RNF150: variants seen among roughly 807,000 people sequenced by gnomAD.
The protein encoded by RNF150 is ring finger protein 150.
A neutral mutation model predicts 39.3 loss-of-function variants in RNF150; 24 were observed. That is an observed-to-expected ratio of 0.61 (90% CI 0.44 to 0.86). The LOEUF (loss-of-function observed/expected upper bound fraction) is 0.86. Among genes scored for constraint, RNF150 ranks in the 40% least tolerant of loss-of-function variants. The pLI is 0.00. For synonymous variants in RNF150, 255 were observed against 227.3 expected (o/e 1.12, Z -1.10); for missense variants, 502 against 587.8 (o/e 0.85, Z 1.51).
chr4:140,909,212 G>C (rs1037354933), intron 6 of RNF150, among the ~76,000 whole-genome samples: 2 of 152,036 alleles, frequency 1.3e-5, no homozygotes, highest in Non-Finnish European at 2.9e-5. Context: ...GTATATTTTG[G>C]TAAAAATCAA....
In RNF150 at chr4:140,873,061, C is replaced by T. The variant is rs142619909; in HGVS notation, c.1199-4682G>A. On this transcript the variant is annotated intron_variant, in intron 6 of 6. Transcript: ENST00000515673. ...AAACACCTAGAGCAAAAGACCCAAA[C>T]TGGTGACCCTTGATGCTGTTTTGTT... Among the ~76,000 whole-genome samples the T allele has an allele frequency of 3.4e-3, 514 of 152,342 alleles. 8 individuals carry two copies. Among genetic ancestry groups the T allele is most frequent in the African/African-American group, 0.012 (481 of 41,586 alleles).
chr4:140,886,295 C>T (rs542203977), intron 6 of RNF150, among the ~76,000 whole-genome samples: 14 of 151,694 alleles, frequency 9.2e-5, no homozygotes, highest in African/African-American at 2.7e-4. Flanking sequence ...CACATTTTTC[C>T]AGAATAGAGG....
At chr4:140,991,231 A>C (rs1734187813) in intron 1 of RNF150, among the ~76,000 whole-genome samples, 1 of 152,066 alleles carries the variant, frequency 6.6e-6, no homozygotes, top group Admixed American at 6.6e-5. Flanking sequence ...AGTTCCTTGT[A>C]GATTCTGGAT....
intron 1 of RNF150, among the ~76,000 whole-genome samples, chr4:141,053,931 G>C (rs370299647): frequency 1.3e-5 from 2 of 152,092 alleles, no homozygotes; most frequent in African/African-American, 4.8e-5. Flanking sequence ...AGAGAATTGA[G>C]ATGTCCTATA....
At chr4:141,105,441 C>A (rs1370450689) in intron 1 of RNF150, among the ~76,000 whole-genome samples, 1 of 152,140 alleles carries the variant, frequency 6.6e-6, no homozygotes, top group Non-Finnish European at 1.5e-5. Context: ...TCTCTCATTC[C>A]TAGGTTTCCA....
At chr4:140,915,781 A>C (rs868521277) in intron 5 of RNF150, among the ~76,000 whole-genome samples, 4 of 152,058 alleles carry the variant, frequency 2.6e-5, no homozygotes, top group Middle Eastern at 3.2e-3. Context: ...AGTAGCCTAA[A>C]TGGGAGGCAC....
At chr4:141,072,454 T>C (rs1737743069) in intron 1 of RNF150, among the ~76,000 whole-genome samples, 1 of 152,164 alleles carries the variant, frequency 6.6e-6, no homozygotes, top group African/African-American at 2.4e-5. Context: ...CATGTGTGTT[T>C]TCAGTGGGAC....
intron 5 of RNF150, among the ~76,000 whole-genome samples, chr4:140,917,648 A>G (rs1011212681): frequency 1.3e-5 from 2 of 152,230 alleles, no homozygotes; most frequent in African/African-American, 4.8e-5. Context: ...GAAAGTTAAC[A>G]AGGATACCCA....
chr4:140,878,613 TGTAATTTGA>T (rs1196596783), intron 6 of RNF150, among the ~76,000 whole-genome samples: 1 of 152,226 alleles, frequency 6.6e-6, no homozygotes, highest in Non-Finnish European at 1.5e-5. Flanking sequence ...TTATTTATTC[TGTAATTTGA>T]GTTGTAGGAG....
At chr4:141,077,189 C>T (rs537805445) in intron 1 of RNF150, among the ~76,000 whole-genome samples, 1 of 152,322 alleles carries the variant, frequency 6.6e-6, no homozygotes, top group East Asian at 1.9e-4. Flanking sequence ...CATGTTCACA[C>T]AAGACCCTCT....
chr4:141,142,786 C>T (rs1397668407), intron 1 of RNF150, among the ~76,000 whole-genome samples: 1 of 152,190 alleles, frequency 6.6e-6, no homozygotes, highest in African/African-American at 2.4e-5. Flanking sequence ...TTCCTTCAGG[C>T]TCTGACCTAA....
chr4:140,935,078 TAATATATATA>T (rs1731809771), intron 4 of RNF150, among the ~76,000 whole-genome samples: 1 of 98,224 alleles, frequency 1.0e-5, no homozygotes, highest in Non-Finnish European at 1.9e-5. Context: ...AATATATATA[TAATATATATA>T]ATAAATATAT....
rs1376280927 is a variant in RNF150 at position 141,069,625 on chromosome 4, A to G, written c.484+62700T>C. Among the ~76,000 whole-genome samples, 1,301 of 151,046 alleles carry G rather than the reference A, an allele frequency of 8.6e-3. 21 individuals are homozygous for G. The highest frequency in any genetic ancestry group is 0.031 in the African/African-American group (1,251 of 40,964). ...TTTTTCTATTGATTGGAATAGTTTC[A>G]GAAGGAATGGTACCAGTTCCTCCTT... On this transcript the variant is annotated intron_variant, in intron 1 of 6. Coordinates refer to ENST00000515673, the MANE Select transcript of RNF150 (RefSeq NM_020724.2).
intron 1 of RNF150, among the ~76,000 whole-genome samples, chr4:141,161,859 G>C (rs1295424204): frequency 6.6e-6 from 1 of 152,228 alleles, no homozygotes; most frequent in Non-Finnish European, 1.5e-5. Flanking sequence ...GCTGAGGCTT[G>C]GGAGCCTCTG....
intron 1 of RNF150, among the ~76,000 whole-genome samples, chr4:141,165,309 A>G (rs1363229539): frequency 6.6e-6 from 1 of 152,166 alleles, no homozygotes; most frequent in Non-Finnish European, 1.5e-5. Flanking sequence ...AAATTCTTAG[A>G]GACCTACAAA....
intron 1 of RNF150, among the ~76,000 whole-genome samples, chr4:141,112,188 A>C (rs112580306): frequency 3.3e-5 from 5 of 152,194 alleles, no homozygotes; most frequent in Admixed American, 6.5e-5. Context: ...CCAATTTGCC[A>C]GTCTGTGTCT....
At position 141,147,332 on chromosome 4, in the gene RNF150, A is replaced by C. The variant is rs138273881; in HGVS notation, c.-6+65462T>G. On this transcript the variant is annotated intron_variant, in intron 1 of 7. Transcript: ENST00000420921. ...ATGGCCATTCAATGGACCTTCCATA[A>C]TGTGGCTCCATCCCTAGAGCTTCAA... is the stretch of plus-strand genomic sequence containing the variant. 1.7e-3 allele frequency among the ~76,000 whole-genome samples: 265 copies of C among 152,318 alleles called. 2 individuals are homozygous for C. In the East Asian group the frequency reaches 0.024, roughly 14 times the overall value.
intron 6 of RNF150, among the ~76,000 whole-genome samples, chr4:140,890,842 C>G (rs1425449): frequency 0.26 from 40,037 of 152,168 alleles, 5,365 homozygotes; most frequent in Middle Eastern, 0.38. Context: ...TCCCTGCCTT[C>G]TTTTCAGAGC....
chr4:141,096,190 C>CTTTTTTTTTTTTTTTTTTTTTTTTTTTTT (rs780868429), intron 1 of RNF150, among the ~76,000 whole-genome samples: 1 of 67,970 alleles, frequency 1.5e-5, no homozygotes, highest in African/African-American at 7.0e-5. Context: ...TTTTAGCTTT[C>CTTTTTTTTTTTTTTTTTTTTTTTTTTTTT]TTTTTTTTTT....
Sources: allele counts gnomAD v4.1 joint callset (sites outside exome capture counted in the v4.1 genomes callset), GRCh38; gene constraint gnomAD v4.1.1; transcripts MANE v1.5; gene names NCBI Gene and HGNC (gene_info 2026-07-23, HGNC 2026-07-21).